The following PADI3 variants were observed in gnomAD, a reference collection of about 807,000 sequenced individuals.
PADI3 encodes the protein peptidyl arginine deiminase 3, also known as protein-arginine deiminase type-3.
PADI3 carries 53 observed loss-of-function variants against 71.5 expected under a neutral mutation model. That is an observed-to-expected ratio of 0.74 (90% CI 0.59 to 0.93). The LOEUF (loss-of-function observed/expected upper bound fraction) is 0.93, where lower values mean the gene tolerates loss of function less well. Ranked by LOEUF, PADI3 falls within the 40% of genes least tolerant of loss-of-function variation. The pLI, the probability that PADI3 is intolerant of heterozygous loss-of-function variation, is 0.00. For synonymous variants in PADI3, 361 were observed against 347.5 expected (o/e 1.04, Z -0.43); for missense variants, 821 against 868.0 (o/e 0.95, Z 0.68).
rs1041032416 is a variant in PADI3, at chr1:17,267,700, T to C, written c.527-137T>C. 105 of 926,698 alleles carry C rather than the reference T, an allele frequency of 1.1e-4. 1 individual carries two copies. The highest frequency in any genetic ancestry group is 1.2e-4 in the Non-Finnish European group (76 of 616,102). 57.4% of individuals were successfully genotyped at this position (926,698 alleles called of 1,614,324 possible). ...TCTTCATGGTTTGTTCTTGATGGCT[T>C]CCAGGGTTTTCACAAAGCTAGGGCT... On this transcript the variant is annotated intron_variant, in intron 5 of 15. Transcript: ENST00000375460.
intron 5 of PADI3, among the ~76,000 whole-genome samples, chr1:17,267,553 A>C (rs1175920267): frequency 6.6e-6 from 1 of 152,226 alleles, no homozygotes; most frequent in Admixed American, 6.5e-5. Context: ...CACGACGCCC[A>C]CATGGCCTTA....
At chr1:17,267,329 C>G (rs938623688) in intron 5 of PADI3, among the ~76,000 whole-genome samples, 1 of 152,192 alleles carries the variant, frequency 6.6e-6, no homozygotes, top group East Asian at 1.9e-4. Context: ...GTGACTCCCC[C>G]ACCTCTTGCT....
chr1:17,268,042 G>T (rs932643523), intron 6 of PADI3, 80 bp downstream of exon 6: 13 of 1,561,120 alleles, frequency 8.3e-6, no homozygotes, highest in Non-Finnish European at 1.1e-5. Context: ...TCCTGCCTTG[G>T]GCCATGGGCA....
chr1:17,270,783 G>T, intron 7 of PADI3, 96 bp from the exon 8 acceptor site: 1 of 879,926 alleles, frequency 1.1e-6, no homozygotes, highest in East Asian at 2.4e-5. Context: ...AGAGAAGCAA[G>T]GGGTTTTCTT....
At chr1:17,265,386 C>T (rs1183060887) in intron 3 of PADI3, among the ~76,000 whole-genome samples, 2 of 152,236 alleles carry the variant, frequency 1.3e-5, no homozygotes, top group East Asian at 1.9e-4. Context: ...TCAGGGCATG[C>T]CTGGGACTGC....
chr1:17,251,435 G>C (rs2072964883), intron 1 of PADI3, among the ~76,000 whole-genome samples: 1 of 152,220 alleles, frequency 6.6e-6, no homozygotes, highest in African/African-American at 2.4e-5. Flanking sequence ...TAACTTCTCT[G>C]AGTCTCTGTT....
Position 17,280,733 on chromosome 1 carries a change from C to T in PADI3, c.1698C>T (p.Ile566=). ...AGCTGGGCCTGGCAGAGTGTGACATCATTGACATCCCACAGCTCTTCAAGA... is the reference window on the plus strand; with the variant it reads ...AGCTGGGCCTGGCAGAGTGTGACATTATTGACATCCCACAGCTCTTCAAGA... ...KRELGLAECD[I]IDIPQLFKTE... The change falls in exon 15 of 16, where the codon ATC becomes ATT. Residue 566 remains isoleucine (I), a synonymous_variant. Transcript: ENST00000375460. 1 of 1,614,182 alleles carries T rather than the reference C, an allele frequency of 6.2e-7. No individual in the cohort carries two copies. Among genetic ancestry groups the T allele is most frequent in the Non-Finnish European group, 8.5e-7 (1 of 1,180,032 alleles).
intron 13 of PADI3, among the ~76,000 whole-genome samples, chr1:17,279,337 C>T (rs1347603460): frequency 2.6e-5 from 4 of 152,156 alleles, no homozygotes; most frequent in Non-Finnish European, 5.9e-5. Flanking sequence ...TTTGATCTCA[C>T]GAGAGATCAA....
chr1:17,257,061 G>C lies in PADI3; in HGVS notation c.93-2517G>C, dbSNP rs111390087. The stretch of plus-strand genomic sequence containing the variant: ...AAAAAAAAAAAAAAAAAAAAAAAAG[G>C]CTTCCTTGGGAGATGGAAGGCGAGT... On this transcript the variant is annotated intron_variant, in intron 1 of 15. Coordinates refer to ENST00000375460, the MANE Select transcript of PADI3 (RefSeq NM_016233.2). Among the ~76,000 whole-genome samples, 9 of 134,602 alleles carry C rather than the reference G, an allele frequency of 6.7e-5. 1 individual carries two copies. Among genetic ancestry groups the C allele is most frequent in the Middle Eastern group, 3.8e-3 (1 of 266 alleles). 88.3% of individuals were successfully genotyped at this position (134,602 alleles called of 152,430 possible).
rs553988776 is a variant in PADI3, at chr1:17,251,926, G to A, written c.92+2697G>A. On this transcript the variant is annotated intron_variant, in intron 1 of 15. Transcript: ENST00000375460. ...GTTGAGAAAAGAGAAATTTACATCTGACTCATGGCTGAGTCAGGGCAGTCT... is the reference window on the plus strand; with the variant it reads ...GTTGAGAAAAGAGAAATTTACATCTAACTCATGGCTGAGTCAGGGCAGTCT... Among the ~76,000 whole-genome samples the A allele has an allele frequency of 1.4e-4, 21 of 152,278 alleles. 1 individual carries two copies. Among genetic ancestry groups the A allele is most frequent in the African/African-American group, 4.6e-4 (19 of 41,556 alleles).
intron 13 of PADI3, among the ~76,000 whole-genome samples, chr1:17,277,216 C>T (rs546173819): frequency 2.0e-5 from 3 of 151,046 alleles, no homozygotes; most frequent in South Asian, 4.2e-4. Flanking sequence ...CTTTTTGAGA[C>T]GGAGTTTCAC....
chr1:17,261,709 G>A (rs2073105247), intron 2 of PADI3, among the ~76,000 whole-genome samples: 1 of 152,260 alleles, frequency 6.6e-6, no homozygotes, highest in African/African-American at 2.4e-5. Context: ...GGTGGCTCAG[G>A]TAGGTGAGAG....
At chr1:17,260,532 G>A (rs754660290) in intron 2 of PADI3, among the ~76,000 whole-genome samples, 30 of 152,162 alleles carry the variant, frequency 2.0e-4, no homozygotes, top group Non-Finnish European at 3.7e-4. Flanking sequence ...GTGGGGGACT[G>A]ATGCCCATTT....
At chr1:17,271,649 G>T (rs2073252935) in intron 9 of PADI3, among the ~76,000 whole-genome samples, 1 of 151,864 alleles carries the variant, frequency 6.6e-6, no homozygotes. Flanking sequence ...TATCTAGTGT[G>T]TAGCTGGGGC....
intron 1 of PADI3, among the ~76,000 whole-genome samples, chr1:17,253,185 T>C (rs143399827): frequency 1.2e-4 from 18 of 152,236 alleles, no homozygotes; most frequent in Non-Finnish European, 2.1e-4. Context: ...TGGTGGGGCT[T>C]GTGGCGCCTC....
intron 14 of PADI3, 119 bp downstream of exon 14, chr1:17,280,548 C>T: frequency 6.6e-7 from 1 of 1,517,434 alleles, no homozygotes; most frequent in Non-Finnish European, 9.1e-7. Context: ...AGAACAGGCC[C>T]AGACAGAGGG....
intron 11 of PADI3, among the ~76,000 whole-genome samples, chr1:17,276,180 C>G (rs1451659224): frequency 6.6e-6 from 1 of 151,980 alleles, no homozygotes; most frequent in East Asian, 1.9e-4. Flanking sequence ...AGTAAAAATA[C>G]AGAAAAATTA....
chr1:17,266,789 G>A lies in PADI3; in HGVS notation c.479G>A (p.Ser160Asn). 2.5e-6 allele frequency: 4 copies of A among 1,614,164 alleles called. No homozygotes were observed. In the East Asian group the frequency reaches 6.7e-5, roughly 27 times the overall value. ...LLVNCDRDDPSCDVQDNCDQH... is the reference protein window; with the variant it reads ...LLVNCDRDDPNCDVQDNCDQH... ...GTGAACTGTGACCGTGATGATCCGA[G>A]CTGTGATGTCCAGGACAATTGTGAC... The change falls in exon 5 of 16, where the codon AGC becomes AAC. Residue 160 changes from serine to asparagine, a missense_variant. Coordinates refer to ENST00000375460, the MANE Select transcript of PADI3 (RefSeq NM_016233.2).
intron 3 of PADI3, among the ~76,000 whole-genome samples, chr1:17,263,633 G>A (rs1229820508): frequency 6.6e-6 from 1 of 152,164 alleles, no homozygotes; most frequent in Non-Finnish European, 1.5e-5. Flanking sequence ...TAAGGGGAAA[G>A]ATTGCTAAAT....
Sources: gnomAD v4.1 joint callset for allele counts (sites outside exome capture counted in the v4.1 genomes callset) on GRCh38, gnomAD v4.1.1 for gene constraint, MANE v1.5 for transcripts, NCBI Gene and HGNC (gene_info 2026-07-23, HGNC 2026-07-21) for gene names.